QKI: variants seen among roughly 807,000 people sequenced by gnomAD.
QKI encodes the protein QKI, KH domain containing RNA binding.
A neutral mutation model predicts 39.0 loss-of-function variants in QKI; 10 were observed. The observed-to-expected ratio is 0.26, with a 90% CI of 0.16 to 0.43. The LOEUF is 0.43. QKI is among the 20% of genes least tolerant of loss of function. The probability of loss-of-function intolerance (pLI) is 1.00; values close to 1 mark genes in which losing one functional copy is unlikely to be tolerated. For missense variants in QKI, 218 were observed against 428.0 expected (o/e 0.51, Z 4.33); for synonymous variants, 204 against 155.4 (o/e 1.31, Z -2.33).
intron 1 of QKI, among the ~76,000 whole-genome samples, chr6:163,440,818 G>A (rs1302601855): frequency 6.6e-6 from 1 of 151,666 alleles, no homozygotes; most frequent in African/African-American, 2.4e-5. Flanking sequence ...AAAATACATA[G>A]TTGTTGAATG....
intron 1 of QKI, among the ~76,000 whole-genome samples, chr6:163,450,049 G>A: frequency 6.6e-6 from 1 of 151,032 alleles, no homozygotes; most frequent in African/African-American, 2.5e-5. Flanking sequence ...ATGTATATAT[G>A]TGTATATATA....
intron 7 of QKI, chr6:163,567,411 A>G (rs1213685739): frequency 1.0e-6 from 1 of 985,540 alleles, no homozygotes; most frequent in African/African-American, 1.7e-5. Context: ...TTATTCTTAC[A>G]TTCTCTTGCC....
chr6:163,497,238 G>A (rs989729685), intron 3 of QKI, among the ~76,000 whole-genome samples: 1 of 151,976 alleles, frequency 6.6e-6, no homozygotes, highest in Non-Finnish European at 1.5e-5. Context: ...TTGCCATTTT[G>A]TGCCATCATT....
At chr6:163,569,833 T>C in intron 7 of QKI, 14 of 986,718 alleles carry the variant, frequency 1.4e-5, no homozygotes, top group Non-Finnish European at 1.7e-5. Flanking sequence ...AAATGCCTTA[T>C]TGGTATCAAT....
intron 3 of QKI, among the ~76,000 whole-genome samples, chr6:163,492,402 G>A (rs1295582615): frequency 6.6e-6 from 1 of 152,058 alleles, no homozygotes; most frequent in African/African-American, 2.4e-5. Flanking sequence ...TTAAATCACA[G>A]GTTGTTATAG....
At chr6:163,545,610 T>A (rs1008290311) in intron 4 of QKI, among the ~76,000 whole-genome samples, 1 of 152,054 alleles carries the variant, frequency 6.6e-6, no homozygotes, top group African/African-American at 2.4e-5. Context: ...GATAAAAAAA[T>A]ATGTCTTGTT....
chr6:163,498,625 G>T (rs983712045), intron 3 of QKI, among the ~76,000 whole-genome samples: 4 of 151,776 alleles, frequency 2.6e-5, no homozygotes, highest in Admixed American at 2.6e-4. Context: ...CCCCTTTTAA[G>T]TTGGAGTAAT....
chr6:163,572,548 A>G lies in QKI; in HGVS notation c.*1838A>G, dbSNP rs1438060782. 1 of 151,972 alleles carries G rather than the reference A, an allele frequency of 6.6e-6. No individual in the cohort carries two copies. Among genetic ancestry groups the G allele is most frequent in the Non-Finnish European group, 1.5e-5 (1 of 68,020 alleles). The allele number at this position is 151,972 out of a possible 1,614,324, so 9.4% of individuals were successfully genotyped here. On this transcript the variant is annotated 3_prime_UTR_variant, in exon 8 of 8. Transcript: ENST00000361752. ...TTCAGCTTAAGCTTCTAATTTCTCA[A>G]GAAGTTGAAACAGTTAGTTATGTAG...
At chr6:163,489,105 A>C (rs529041804) in intron 3 of QKI, among the ~76,000 whole-genome samples, 1 of 149,486 alleles carries the variant, frequency 6.7e-6, no homozygotes, top group Non-Finnish European at 1.5e-5. Context: ...ATTTTCACTT[A>C]ATAGTATATT....
chr6:163,443,436 C>G (rs2128215657), intron 1 of QKI, among the ~76,000 whole-genome samples: 1 of 152,254 alleles, frequency 6.6e-6, no homozygotes, highest in East Asian at 1.9e-4. Context: ...GGTGTGGTGG[C>G]GGGTGCCTGT....
intron 3 of QKI, among the ~76,000 whole-genome samples, chr6:163,498,462 A>G (rs1055653883): frequency 1.3e-5 from 2 of 152,150 alleles, no homozygotes; most frequent in African/African-American, 2.4e-5. Context: ...GCTCTCCTAC[A>G]CACCTTTCAC....
At chr6:163,458,385 A>G (rs376290426) in intron 2 of QKI, among the ~76,000 whole-genome samples, 2 of 152,202 alleles carry the variant, frequency 1.3e-5, no homozygotes, top group Admixed American at 6.5e-5. Context: ...CACAAGCTCT[A>G]TGAGGGCAGG....
intron 2 of QKI, among the ~76,000 whole-genome samples, chr6:163,463,675 A>G (rs1382256188): frequency 6.6e-6 from 1 of 152,316 alleles, no homozygotes; most frequent in African/African-American, 2.4e-5. Context: ...ATAGATTATC[A>G]CTCTAGATGC....
chr6:163,449,816 T>A (rs1790415280), intron 1 of QKI, among the ~76,000 whole-genome samples: 1 of 152,160 alleles, frequency 6.6e-6, no homozygotes, highest in African/African-American at 2.4e-5. Flanking sequence ...GCCTTAGCTA[T>A]GTATTTATAT....
chr6:163,576,434 T>C lies in QKI; in HGVS notation c.*5724T>C, dbSNP rs1176987098. On this transcript the variant is annotated 3_prime_UTR_variant, in exon 8 of 8. Coordinates refer to ENST00000361752, the MANE Select transcript of QKI (RefSeq NM_006775.3). Reference sequence around the variant, plus strand: ...CCTCTTCTTGGCAAAAGACACCACATTGTGGGAAGATCTCAGCTTCCAGGG... The same window carrying C: ...CCTCTTCTTGGCAAAAGACACCACACTGTGGGAAGATCTCAGCTTCCAGGG... 2.0e-5 allele frequency: 3 copies of C among 152,128 alleles called. No individual in the cohort carries two copies. Among genetic ancestry groups the C allele is most frequent in the Non-Finnish European group, 4.4e-5 (3 of 68,020 alleles). The allele number at this position is 152,128 out of a possible 1,614,324, so 9.4% of individuals were successfully genotyped here. A position where few individuals can be genotyped will look rare whatever the true frequency, so the allele number is the denominator to read the frequency against.
intron 1 of QKI, among the ~76,000 whole-genome samples, chr6:163,453,029 G>A (rs1027354549): frequency 7.3e-5 from 11 of 151,446 alleles, no homozygotes; most frequent in South Asian, 2.1e-4. Flanking sequence ...CGCCCGGCAC[G>A]TTTATTTAAT....
At chr6:163,458,613 G>C (rs758056125) in intron 2 of QKI, among the ~76,000 whole-genome samples, 3 of 152,130 alleles carry the variant, frequency 2.0e-5, no homozygotes, top group Non-Finnish European at 2.9e-5. Context: ...TTTTGGACTT[G>C]GCAGTGCAGA....
intron 3 of QKI, among the ~76,000 whole-genome samples, chr6:163,490,310 C>T (rs949832395): frequency 5.9e-5 from 9 of 152,154 alleles, no homozygotes; most frequent in African/African-American, 1.7e-4. Flanking sequence ...ATACAATCTG[C>T]GGCAGCAGTT....
chr6:163,541,478 G>C (rs1001751575), intron 4 of QKI, among the ~76,000 whole-genome samples: 5 of 146,630 alleles, frequency 3.4e-5, no homozygotes, highest in African/African-American at 1.2e-4. Context: ...AAAGCACTCA[G>C]ATCTTCTCCT....
Sources: gnomAD v4.1 joint callset for allele counts (sites outside exome capture counted in the v4.1 genomes callset) on GRCh38, gnomAD v4.1.1 for gene constraint, MANE v1.5 for transcripts, NCBI Gene and HGNC (gene_info 2026-07-23, HGNC 2026-07-21) for gene names.